Variants in GALNT17 observed in about 807,000 individuals in gnomAD.
GALNT17 encodes the protein polypeptide N-acetylgalactosaminyltransferase 17.
A neutral mutation model predicts 63.7 loss-of-function variants in GALNT17; 29 were observed. That is an observed-to-expected ratio of 0.46 (90% confidence interval 0.34 to 0.62). GALNT17 has a LOEUF of 0.62. Ranked by LOEUF, GALNT17 falls within the 20% of genes least tolerant of loss-of-function variation. The pLI, the probability that GALNT17 is intolerant of heterozygous loss-of-function variation, is 0.01. For missense variants in GALNT17, 603 were observed against 799.6 expected (o/e 0.75, Z 2.97); for synonymous variants, 305 against 318.3 (o/e 0.96, Z 0.45).
chr7:71,607,738 A>G (rs1252923764), intron 6 of GALNT17, among the ~76,000 whole-genome samples: 1 of 151,082 alleles, frequency 6.6e-6, no homozygotes, highest in Admixed American at 6.6e-5. Context: ...AGAAAAGGAG[A>G]AAAAAAACCC....
At chr7:71,160,873 C>T (rs1419810573) in intron 1 of GALNT17, among the ~76,000 whole-genome samples, 5 of 152,162 alleles carry the variant, frequency 3.3e-5, no homozygotes, top group South Asian at 2.1e-4. Context: ...AGTCTCACTC[C>T]GTTGCCCAGG....
chr7:71,449,103 A>ATTTTTT (rs1583963031), intron 5 of GALNT17, among the ~76,000 whole-genome samples: 59 of 45,442 alleles, frequency 1.3e-3, no homozygotes, highest in Admixed American at 1.8e-3. Flanking sequence ...ACAGCTGCCT[A>ATTTTTT]TTTTCTTTTT....
intron 1 of GALNT17, among the ~76,000 whole-genome samples, chr7:71,248,668 T>C (rs1043365287): frequency 1.3e-5 from 2 of 152,182 alleles, no homozygotes; most frequent in Non-Finnish European, 2.9e-5. Context: ...TGGCTTCAGC[T>C]TTGTCATCTG....
intron 1 of GALNT17, among the ~76,000 whole-genome samples, chr7:71,229,851 A>C (rs1397926626): frequency 6.6e-6 from 1 of 152,136 alleles, no homozygotes; most frequent in African/African-American, 2.4e-5. Flanking sequence ...CACTTGGGTC[A>C]CCTCCGTGGC....
chr7:71,211,182 G>A (rs1789369688), intron 1 of GALNT17, among the ~76,000 whole-genome samples: 1 of 152,034 alleles, frequency 6.6e-6, no homozygotes, highest in Non-Finnish European at 1.5e-5. Context: ...GTAGCTCCCA[G>A]AATTTCCACG....
intron 5 of GALNT17, among the ~76,000 whole-genome samples, chr7:71,500,431 T>A: frequency 6.6e-6 from 1 of 152,172 alleles, no homozygotes; most frequent in East Asian, 1.9e-4. Flanking sequence ...CCTACCACCA[T>A]CATGAGTGAC....
intron 1 of GALNT17, among the ~76,000 whole-genome samples, chr7:71,161,435 T>C (rs572001061): frequency 1.3e-5 from 2 of 152,330 alleles, no homozygotes; most frequent in South Asian, 2.1e-4. Flanking sequence ...TTGCATACAT[T>C]TTTAATGTCG....
At chr7:71,547,514 T>C (rs1380610814) in intron 5 of GALNT17, among the ~76,000 whole-genome samples, 1 of 151,988 alleles carries the variant, frequency 6.6e-6, no homozygotes, top group East Asian at 1.9e-4. Context: ...TGGAACTCCC[T>C]GAGCTCAGGT....
chr7:71,696,700 A>T (rs558339340), intron 9 of GALNT17, among the ~76,000 whole-genome samples: 3 of 152,282 alleles, frequency 2.0e-5, no homozygotes, highest in Admixed American at 2.0e-4. Context: ...CCTAAATGAG[A>T]ATTAATTGTA....
intron 1 of GALNT17, among the ~76,000 whole-genome samples, chr7:71,330,895 C>G (rs952487183): frequency 6.6e-6 from 1 of 151,948 alleles, no homozygotes; most frequent in African/African-American, 2.4e-5. Flanking sequence ...CTGAACATTG[C>G]CTATCCTTCC....
intron 5 of GALNT17, among the ~76,000 whole-genome samples, chr7:71,563,548 C>A (rs996462781): frequency 1.3e-5 from 2 of 152,020 alleles, no homozygotes; most frequent in Non-Finnish European, 2.9e-5. Context: ...TCGCCAGCAA[C>A]GCTGACTGGC....
intron 1 of GALNT17, among the ~76,000 whole-genome samples, chr7:71,214,977 C>G (rs1172945931): frequency 6.6e-6 from 1 of 152,216 alleles, no homozygotes; most frequent in African/African-American, 2.4e-5. Context: ...ACTTGATTCT[C>G]TGTAACAAGT....
chr7:71,426,266 T>C (rs1387128580), intron 5 of GALNT17, among the ~76,000 whole-genome samples: 3 of 152,192 alleles, frequency 2.0e-5, no homozygotes. Context: ...TGAACTCCAG[T>C]TCAACCTGTA....
intron 1 of GALNT17, among the ~76,000 whole-genome samples, chr7:71,259,971 T>C (rs1790357450): frequency 6.6e-6 from 1 of 152,144 alleles, no homozygotes; most frequent in Middle Eastern, 3.4e-3. Context: ...AAAACATCTA[T>C]TAAGGGAGCA....
At chr7:71,231,241 T>TTTTC (rs1338616731) in intron 1 of GALNT17, among the ~76,000 whole-genome samples, 1 of 151,954 alleles carries the variant, frequency 6.6e-6, no homozygotes, top group Non-Finnish European at 1.5e-5. Flanking sequence ...TTTTTTTTTT[T>TTTTC]TTTCCAGTAG....
intron 1 of GALNT17, among the ~76,000 whole-genome samples, chr7:71,161,802 ACT>A (rs1419983364): frequency 1.3e-5 from 2 of 152,110 alleles, no homozygotes; most frequent in African/African-American, 4.8e-5. Context: ...TGGGCCCTCA[ACT>A]GTTACATGCA....
intron 1 of GALNT17, among the ~76,000 whole-genome samples, chr7:71,270,942 A>G (rs1790576833): frequency 6.6e-6 from 1 of 151,356 alleles, no homozygotes; most frequent in Admixed American, 6.6e-5. Flanking sequence ...TAATCAGAGA[A>G]AAAAAAAAGA....
chr7:71,271,398 T>TGAGCAGTGGCCACGTGGCTCC (rs1455064945), intron 1 of GALNT17, among the ~76,000 whole-genome samples: 3 of 152,222 alleles, frequency 2.0e-5, no homozygotes, highest in African/African-American at 7.2e-5. Context: ...GGGGTGGCAC[T>TGAGCAGTGGCCACGTGGCTCC]GACCAGTGGC....
Position 71,669,990 on chromosome 7 carries a change from G to A in GALNT17, c.1285G>A (p.Gly429Ser). Residue 429 changes from glycine to serine, a missense_variant, in exon 8 of 11, where the codon GGT (glycine) becomes AGT (serine). Around this residue, in one of 3 missense-constraint regions of GALNT17, gnomAD observed 336 missense variants for 507.8 expected, o/e 0.66. Coordinates refer to ENST00000333538, the MANE Select transcript of GALNT17 (RefSeq NM_022479.3). ...CTTTCAGAATCCGGGAATTGACATC[G>A]GTGATGTCTCCGAAAGAAGAGCATT... ...LPLENPGIDI[G>S]DVSERRALRK... The A allele has an allele frequency of 1.9e-6, 3 of 1,614,050 alleles. No homozygotes were observed. Among genetic ancestry groups the A allele is most frequent in the East Asian group, 2.2e-5 (1 of 44,868 alleles).
Sources: allele counts gnomAD v4.1 joint callset (sites outside exome capture counted in the v4.1 genomes callset), GRCh38; gene constraint gnomAD v4.1.1; regional missense constraint gnomAD v4.1.1; transcripts MANE v1.5; gene names NCBI Gene and HGNC (gene_info 2026-07-23, HGNC 2026-07-21).